ARHGAP8: variants seen among roughly 807,000 people sequenced by gnomAD.
ARHGAP8 encodes the protein Rho GTPase activating protein 8.
Under a neutral mutation model 46.1 loss-of-function variants are expected in ARHGAP8, and 62 were observed. The ratio of observed to expected loss-of-function variants is 1.34; its 90% CI spans 1.10 to 1.66. The LOEUF is 1.66. Ranked by LOEUF, ARHGAP8 falls within the 40% of genes most tolerant of loss-of-function variation. The pLI is 0.00. For missense variants in ARHGAP8, 923 were observed against 568.4 expected, an observed-to-expected ratio of 1.62 and a Z score of -6.34; for synonymous variants, 375 against 243.1, an observed-to-expected ratio of 1.54 and a Z score of -5.05.
rs183767193 is a variant in ARHGAP8 at position 44,801,342 on chromosome 22, A to G, written c.80-735A>G. ...CCGCAGCTGTCTATGTGTGAGGGGC[A>G]CCTCTCCCCGCAGCTGTCTATGTGT... On this transcript the variant is annotated intron_variant, in intron 2 of 11. Coordinates refer to ENST00000356099, the MANE Select transcript of ARHGAP8 (RefSeq NM_181335.3). Among the ~76,000 whole-genome samples, 298 of 61,146 alleles carry G rather than the reference A, an allele frequency of 4.9e-3. 11 individuals are homozygous for G. The highest frequency in any genetic ancestry group is 9.1e-3 in the African/African-American group (99 of 10,910). 40.1% of individuals were successfully genotyped at this position (61,146 alleles called of 152,430 possible).
intron 1 of ARHGAP8, among the ~76,000 whole-genome samples, chr22:44,764,458 CG>C (rs1925395294): frequency 6.6e-6 from 1 of 152,068 alleles, no homozygotes; most frequent in African/African-American, 2.4e-5. Context: ...TGCGGTGGTC[CG>C]GGGTGGTGGC....
chr22:44,762,945 C>T (rs1925257983), intron 1 of ARHGAP8, among the ~76,000 whole-genome samples: 1 of 152,094 alleles, frequency 6.6e-6, no homozygotes, highest in South Asian at 2.1e-4. Flanking sequence ...GAGGAACCAG[C>T]CATGAGATTA....
chr22:44,769,995 C>CAG (rs1221024278), intron 1 of ARHGAP8, among the ~76,000 whole-genome samples: 1 of 152,150 alleles, frequency 6.6e-6, no homozygotes, highest in East Asian at 1.9e-4. Flanking sequence ...CCTGTAATGC[C>CAG]AGCACTTTGG....
chr22:44,859,569 C>T lies in ARHGAP8; in HGVS notation c.878-162C>T, dbSNP rs896172667. On this transcript the variant is annotated intron_variant, in intron 10 of 11. Transcript: ENST00000356099. ...TAGCCAAACACACAGGTTTGCTGAG[C>T]AGAGCCATACGGCCAGAAGATAAGT... 96 of 685,536 alleles carry T rather than the reference C, an allele frequency of 1.4e-4. No individual in the cohort carries two copies. The African/African-American group carries it at 1.4e-3, about 10-fold the overall frequency. 42.5% of individuals were successfully genotyped at this position (685,536 alleles called of 1,614,324 possible). A position where few individuals can be genotyped will look rare whatever the true frequency, so the allele number is the denominator to read the frequency against.
rs1380414484 is a variant in ARHGAP8, at chr22:44,814,723, C to G, written c.351C>G (p.Ile117Met). The change falls in exon 5 of 12, where the codon ATC becomes ATG. Residue 117 changes from isoleucine (I) to methionine (M), a missense_variant. Ile to Met is a conservative substitution (Grantham distance 10). Transcript: ENST00000356099. ...ACGTGGTGCACCCCACCAGCTTCAT[C>G]AAGGTCCTGTGGAACATCTTGAAGC... ...ALYVVHPTSFIKVLWNILKPL... is the reference protein window; with the variant it reads ...ALYVVHPTSFMKVLWNILKPL... The G allele has an allele frequency of 6.2e-7, 1 of 1,614,032 alleles. No homozygotes were observed. Among genetic ancestry groups the G allele is most frequent in the South Asian group, 1.1e-5 (1 of 91,066 alleles).
intron 7 of ARHGAP8, among the ~76,000 whole-genome samples, chr22:44,843,676 C>T (rs1931793081): frequency 6.6e-6 from 1 of 151,960 alleles, no homozygotes; most frequent in Admixed American, 6.6e-5. Context: ...AAAAAATTAA[C>T]TGGCATGGCA....
In ARHGAP8 at chr22:44,847,995, C is replaced by T; in HGVS notation, c.693C>T (p.Phe231=). ...REKGLRTEGL[F]RRSASVQTVR... Reference sequence around the variant, plus strand: ...CAGGCCTGCGCACCGAGGGCCTGTTCCGGAGATCCGCCAGCGTGCAGACCG... The same window carrying T: ...CAGGCCTGCGCACCGAGGGCCTGTTTCGGAGATCCGCCAGCGTGCAGACCG... Residue 231 remains phenylalanine, a synonymous_variant, in exon 9 of 12, where the codon TTC becomes TTT. Coordinates refer to ENST00000356099, the MANE Select transcript of ARHGAP8 (RefSeq NM_181335.3). 6.2e-7 allele frequency: 1 copy of T among 1,608,116 alleles called. No individual in the cohort carries two copies. The highest frequency in any genetic ancestry group is 8.5e-7 in the Non-Finnish European group (1 of 1,179,904).
intron 4 of ARHGAP8, among the ~76,000 whole-genome samples, chr22:44,810,671 G>A (rs1221331606): frequency 1.3e-5 from 2 of 152,212 alleles, no homozygotes; most frequent in African/African-American, 2.4e-5. Flanking sequence ...CCTGTGGAGT[G>A]GTGGGCAGGG....
chr22:44,820,245 T>G (rs1281891258), intron 5 of ARHGAP8, among the ~76,000 whole-genome samples: 1 of 152,172 alleles, frequency 6.6e-6, no homozygotes, highest in Non-Finnish European at 1.5e-5. Context: ...GGGCCCTGGC[T>G]GCACCTGTCC....
chr22:44,842,738 C>A (rs1931737494), intron 7 of ARHGAP8, among the ~76,000 whole-genome samples: 1 of 152,070 alleles, frequency 6.6e-6, no homozygotes, highest in Non-Finnish European at 1.5e-5. Flanking sequence ...ACCCTCAGAG[C>A]CAGGGCTGAG....
At chr22:44,856,486 C>G (rs111752064) in intron 10 of ARHGAP8, among the ~76,000 whole-genome samples, 21,227 of 151,736 alleles carry the variant, frequency 0.14, 1,856 homozygotes, top group African/African-American at 0.25. Flanking sequence ...GTTGGCCAGG[C>G]TGGTCTTGAA....
intron 1 of ARHGAP8, among the ~76,000 whole-genome samples, chr22:44,785,158 A>G (rs6007292): frequency 0.084 from 12,837 of 152,088 alleles, 583 homozygotes; most frequent in African/African-American, 0.11. Flanking sequence ...CTCAAACCTG[A>G]CTTTGCATCA....
At chr22:44,827,105 G>A (rs928679141) in intron 7 of ARHGAP8, among the ~76,000 whole-genome samples, 55 of 152,108 alleles carry the variant, frequency 3.6e-4, no homozygotes, top group Non-Finnish European at 1.3e-4. Context: ...AATCGCCAGC[G>A]TCTTTACAAG....
At chr22:44,806,554 A>G (rs1057515248) in intron 3 of ARHGAP8, among the ~76,000 whole-genome samples, 4 of 152,132 alleles carry the variant, frequency 2.6e-5, no homozygotes, top group South Asian at 2.1e-4. Flanking sequence ...TAAAATGGAG[A>G]TAATAGTACC....
intron 2 of ARHGAP8, among the ~76,000 whole-genome samples, chr22:44,788,971 A>C (rs1158303241): frequency 6.6e-6 from 1 of 152,194 alleles, no homozygotes; most frequent in Non-Finnish European, 1.5e-5. Context: ...CAGTTAGGTT[A>C]AGTTGATTAA....
intron 2 of ARHGAP8, among the ~76,000 whole-genome samples, chr22:44,789,592 C>T (rs550745025): frequency 6.6e-6 from 1 of 152,120 alleles, no homozygotes; most frequent in South Asian, 2.1e-4. Context: ...CTACCTCCCT[C>T]GGCTCAGGCA....
chr22:44,859,973 C>T (rs550183062), intron 11 of ARHGAP8, 139 bp downstream of exon 11: 7 of 1,039,476 alleles, frequency 6.7e-6, no homozygotes, highest in South Asian at 3.3e-5. Context: ...TCCCTGCCCC[C>T]CAAGGACCTC....
intron 11 of ARHGAP8, 132 bp downstream of exon 11, chr22:44,859,966 C>T (rs748779939): frequency 4.0e-5 from 44 of 1,097,888 alleles, no homozygotes; most frequent in Admixed American, 7.8e-5. Flanking sequence ...ATACCACTCC[C>T]TGCCCCCCAA....
chr22:44,862,504 T>G lies in ARHGAP8; in HGVS notation c.1211T>G (p.Leu404Trp), dbSNP rs924836785. The G allele has an allele frequency of 1.2e-6, 2 of 1,613,130 alleles. No homozygotes were observed. Among genetic ancestry groups the G allele is most frequent in the Non-Finnish European group, 1.7e-6 (2 of 1,179,404 alleles). ...PWEQGSRAAPLQEAVPRTQAT... is the reference protein window; with the variant it reads ...PWEQGSRAAPWQEAVPRTQAT... ...GAACAGGGGAGCAGGGCAGCCCCTTTGCAGGAGGCTGTGCCACGGACACAA... is the reference window on the plus strand; with the variant it reads ...GAACAGGGGAGCAGGGCAGCCCCTTGGCAGGAGGCTGTGCCACGGACACAA... The change falls in exon 12 of 12, where the codon TTG becomes TGG. Residue 404 changes from leucine (L) to tryptophan (W), a missense_variant. Coordinates refer to ENST00000356099, the MANE Select transcript of ARHGAP8 (RefSeq NM_181335.3).
Sources: allele counts gnomAD v4.1 joint callset (sites outside exome capture counted in the v4.1 genomes callset), GRCh38; gene constraint gnomAD v4.1.1; transcripts MANE v1.5; gene names NCBI Gene and HGNC (gene_info 2026-07-23, HGNC 2026-07-21).